Variants in HLCS observed in about 807,000 individuals in gnomAD.
The protein encoded by HLCS is holocarboxylase synthetase, also known as biotin--protein ligase.
HLCS carries 53 observed loss-of-function variants against 75.0 expected under a neutral mutation model. The observed-to-expected ratio is 0.71, with a 90% CI of 0.57 to 0.89. The LOEUF (loss-of-function observed/expected upper bound fraction) is 0.89. HLCS is among the 40% of genes least tolerant of loss of function. HLCS has a pLI of 0.00. For synonymous variants in HLCS, 431 were observed against 428.6 expected (o/e 1.01, Z -0.07); for missense variants, 966 against 1,074.0 (o/e 0.90, Z 1.41).
rs1450122690 is a variant in HLCS at position 36,922,086 on chromosome 21, A to G, written c.1620+8165T>C. Among the ~76,000 whole-genome samples, 3 of 152,334 alleles carry G rather than the reference A, an allele frequency of 2.0e-5. No individual in the cohort carries two copies. The East Asian group carries it at 5.8e-4, about 29-fold the overall frequency. ...AACTCAAATACCCTTAAAAGTATCG[A>G]TTAAAAGACTCTGTTTTTTTAAATT... On this transcript the variant is annotated intron_variant, in intron 5 of 10. Transcript: ENST00000674895.
In HLCS at chr21:36,823,610, G is replaced by GGGGTGTGTGTGTGT. The variant is rs372824950; in HGVS notation, c.1893-56326_1893-56325insACACACACACACCC. Reference sequence around the variant, plus strand: ...CCATTTACCAGCTTCAAACGTGCAGGGTGTGTGTGTGTGTGTGTGTGTGTG... The same window carrying GGGGTGTGTGTGTGT: ...CCATTTACCAGCTTCAAACGTGCAGGGGGTGTGTGTGTGTGTGTGTGTGTGTGTGTGTGTGTGTG... On this transcript the variant is annotated intron_variant, in intron 6 of 10. Transcript: ENST00000674895. Among the ~76,000 whole-genome samples the GGGGTGTGTGTGTGT allele has an allele frequency of 4.0e-3, 529 of 132,824 alleles. 3 individuals carry two copies. The highest frequency in any genetic ancestry group is 0.018 in the Middle Eastern group (4 of 226). 87.1% of individuals were successfully genotyped at this position (132,824 alleles called of 152,430 possible).
intron 6 of HLCS, among the ~76,000 whole-genome samples, chr21:36,836,965 C>A (rs2062434012): frequency 6.6e-6 from 1 of 152,118 alleles, no homozygotes; most frequent in Non-Finnish European, 1.5e-5. Flanking sequence ...AGGTGGATCA[C>A]CTGAGGTCAT....
At chr21:36,916,141 T>TA (rs894397244) in intron 5 of HLCS, among the ~76,000 whole-genome samples, 10 of 151,894 alleles carry the variant, frequency 6.6e-5, no homozygotes, top group African/African-American at 1.9e-4. Flanking sequence ...ACAAACCACC[T>TA]AAAAAAAATC....
intron 5 of HLCS, among the ~76,000 whole-genome samples, chr21:36,901,851 T>A (rs1368338711): frequency 6.6e-6 from 1 of 152,220 alleles, no homozygotes; most frequent in Non-Finnish European, 1.5e-5. Context: ...CTTTCACATA[T>A]CTTTTTGGGG....
rs2089698296 is a variant in HLCS, at chr21:36,758,611, C to T, written c.2236+1116G>A. ...CCCACGCTGATAACATTTGTTAGCTCCCTGAAGCCATCCATGAGCCTGCTT... is the reference window on the plus strand; with the variant it reads ...CCCACGCTGATAACATTTGTTAGCTTCCTGAAGCCATCCATGAGCCTGCTT... On this transcript the variant is annotated intron_variant, in intron 9 of 10. Coordinates refer to ENST00000674895, the MANE Select transcript of HLCS (RefSeq NM_001352514.2). 3.3e-5 allele frequency among the ~76,000 whole-genome samples: 5 copies of T among 152,098 alleles called. No homozygotes were observed. In the South Asian group the frequency reaches 1.0e-3, roughly 32 times the overall value.
intron 2 of HLCS, among the ~76,000 whole-genome samples, chr21:36,960,131 A>C (rs939449433): frequency 0.031 from 2,428 of 77,170 alleles, 3 homozygotes; most frequent in Non-Finnish European, 0.041. Flanking sequence ...GGAGCCACCC[A>C]CCCCCCCCCC....
intron 1 of HLCS, among the ~76,000 whole-genome samples, chr21:36,985,361 G>A (rs557976203): frequency 5.3e-4 from 80 of 152,328 alleles, no homozygotes; most frequent in African/African-American, 1.6e-3. Flanking sequence ...GGCTGGGCGC[G>A]GTGGCTCACG....
intron 5 of HLCS, among the ~76,000 whole-genome samples, chr21:36,913,358 A>G (rs1344531497): frequency 6.6e-6 from 1 of 152,132 alleles, no homozygotes; most frequent in Non-Finnish European, 1.5e-5. Context: ...TATAAACTCA[A>G]TATGCAACTA....
intron 5 of HLCS, among the ~76,000 whole-genome samples, chr21:36,898,168 G>A (rs114037647): frequency 0.054 from 8,223 of 152,030 alleles, 732 homozygotes; most frequent in African/African-American, 0.19. Context: ...ATTCAGGTCC[G>A]CGCGCAGTGG....
intron 6 of HLCS, among the ~76,000 whole-genome samples, chr21:36,806,775 G>C (rs2061373717): frequency 6.6e-6 from 1 of 152,206 alleles, no homozygotes; most frequent in Non-Finnish European, 1.5e-5. Flanking sequence ...AAACTAAGCA[G>C]CCCGAGACAA....
At chr21:36,859,061 C>T (rs1476155416) in intron 6 of HLCS, among the ~76,000 whole-genome samples, 2 of 152,116 alleles carry the variant, frequency 1.3e-5, no homozygotes, top group Non-Finnish European at 2.9e-5. Flanking sequence ...CTCACTCTGT[C>T]GCCCAGGCTG....
At chr21:36,796,891 G>T (rs2061041987) in intron 6 of HLCS, among the ~76,000 whole-genome samples, 1 of 150,626 alleles carries the variant, frequency 6.6e-6, no homozygotes, top group Non-Finnish European at 1.5e-5. Flanking sequence ...TCCTGCAATG[G>T]AGTCTCACTC....
chr21:36,773,569 A>G (rs2060271246), intron 6 of HLCS, among the ~76,000 whole-genome samples: 1 of 152,198 alleles, frequency 6.6e-6, no homozygotes, highest in East Asian at 1.9e-4. Context: ...TCCTCAGCTC[A>G]TGGTCCTGGC....
intron 5 of HLCS, among the ~76,000 whole-genome samples, chr21:36,905,044 C>A (rs1375218499): frequency 6.6e-6 from 1 of 152,332 alleles, no homozygotes; most frequent in East Asian, 1.9e-4. Flanking sequence ...TGACCCACAG[C>A]CGTTCACAAA....
chr21:36,933,112 C>T (rs560867520), intron 4 of HLCS, among the ~76,000 whole-genome samples: 7 of 151,818 alleles, frequency 4.6e-5, no homozygotes, highest in Middle Eastern at 6.8e-3. Context: ...AGTGAGACTC[C>T]GGCTCAAAAA....
chr21:36,939,693 C>G (rs3827189), intron 2 of HLCS, among the ~76,000 whole-genome samples: 6 of 151,974 alleles, frequency 3.9e-5, no homozygotes, highest in Admixed American at 3.9e-4. Flanking sequence ...TACAGAAGAC[C>G]GTGACACTGG....
intron 2 of HLCS, among the ~76,000 whole-genome samples, chr21:36,942,669 T>G (rs1037586171): frequency 6.6e-6 from 1 of 151,860 alleles, no homozygotes; most frequent in African/African-American, 2.4e-5. Context: ...TCAAAAGATA[T>G]CAAGAAAATG....
At chr21:36,792,533 ATCAGCCAATTGTGCTACG>A (rs1403948670) in intron 6 of HLCS, among the ~76,000 whole-genome samples, 2 of 152,204 alleles carry the variant, frequency 1.3e-5, no homozygotes, top group African/African-American at 4.8e-5. Context: ...GACCATGATC[ATCAGCCAATTGTGCTACG>A]TCAGTCCAGA....
chr21:36,948,627 G>T (rs1009629058), intron 2 of HLCS, among the ~76,000 whole-genome samples: 8 of 141,094 alleles, frequency 5.7e-5, no homozygotes, highest in Non-Finnish European at 1.1e-4. Flanking sequence ...TACTTGGGAA[G>T]ATTAGGTGGG....
Sources: gnomAD v4.1 joint callset for allele counts (sites outside exome capture counted in the v4.1 genomes callset) on GRCh38, gnomAD v4.1.1 for gene constraint, MANE v1.5 for transcripts, NCBI Gene and HGNC (gene_info 2026-07-23, HGNC 2026-07-21) for gene names.